OR3A3: variants seen among roughly 807,000 people sequenced by gnomAD.
The protein encoded by OR3A3 is olfactory receptor 3A3.
For missense variants in OR3A3, 275 were observed against 391.4 expected (o/e 0.70, Z 2.51); for synonymous variants, 103 against 163.9 (o/e 0.63, Z 2.84).
intron 2 of OR3A3, among the ~76,000 whole-genome samples, chr17:3,417,808 A>C (rs2072401206): frequency 6.6e-6 from 1 of 152,230 alleles, no homozygotes; most frequent in Admixed American, 6.5e-5. Flanking sequence ...GATTTCTGCC[A>C]ATATACCCAA....
intron 2 of OR3A3, among the ~76,000 whole-genome samples, chr17:3,416,190 A>G (rs776522495): frequency 3.1e-4 from 47 of 152,176 alleles, no homozygotes; most frequent in Non-Finnish European, 6.0e-4. Flanking sequence ...ATCAAAATGA[A>G]CATTTAATAT....
chr17:3,415,920 T>C (rs560260555), intron 2 of OR3A3, among the ~76,000 whole-genome samples: 1 of 151,370 alleles, frequency 6.6e-6, no homozygotes, highest in Non-Finnish European at 1.5e-5. Context: ...GCAATTCTCA[T>C]GTTTCAGCCG....
chr17:3,416,641 AT>A (rs1370837084), intron 2 of OR3A3, among the ~76,000 whole-genome samples: 2 of 152,126 alleles, frequency 1.3e-5, no homozygotes, highest in Non-Finnish European at 2.9e-5. Flanking sequence ...TTAATAAATC[AT>A]AACTTCATAG....
intron 1 of OR3A3, 121 bp from the exon 2 acceptor site, chr17:3,411,857 G>C (rs1156784307): frequency 6.6e-6 from 1 of 152,278 alleles, no homozygotes; most frequent in Non-Finnish European, 1.5e-5. Flanking sequence ...AGGGCTAGAG[G>C]CAAAGCCTTC....
At chr17:3,415,817 ATTAT>A (rs1414151246) in intron 2 of OR3A3, among the ~76,000 whole-genome samples, 4 of 140,724 alleles carry the variant, frequency 2.8e-5, no homozygotes. Flanking sequence ...TATTATTATT[ATTAT>A]TATTATTATT....
At chr17:3,415,832 A>G (rs2150680643) in intron 2 of OR3A3, among the ~76,000 whole-genome samples, 2 of 141,604 alleles carry the variant, frequency 1.4e-5, no homozygotes, top group South Asian at 4.3e-4. Flanking sequence ...TATTATTATT[A>G]TTATTATTAT....
At chr17:3,413,457 T>G (rs1359201003) in intron 2 of OR3A3, among the ~76,000 whole-genome samples, 1 of 152,198 alleles carries the variant, frequency 6.6e-6, no homozygotes, top group Non-Finnish European at 1.5e-5. Context: ...CAATTACCAA[T>G]TTCATCAAGA....
intron 2 of OR3A3, among the ~76,000 whole-genome samples, chr17:3,419,965 C>T (rs1191296315): frequency 7.9e-5 from 12 of 152,002 alleles, no homozygotes; most frequent in African/African-American, 2.9e-4. Context: ...GACGGGGTTT[C>T]GCTGTGTTAG....
chr17:3,414,369 C>T (rs2072379084), intron 2 of OR3A3, among the ~76,000 whole-genome samples: 1 of 152,178 alleles, frequency 6.6e-6, no homozygotes. Context: ...CCATGGCCGG[C>T]CAGGATTTTT....
rs1254251237 is a variant in OR3A3, at chr17:3,420,471, G to A, written c.-6-109G>A. 13 of 1,529,712 alleles carry A rather than the reference G, an allele frequency of 8.5e-6. No homozygotes were observed. The East Asian group carries it at 2.9e-4, about 35-fold the overall frequency. The allele number at this position is 1,529,712 out of a possible 1,614,324, so 94.8% of individuals were successfully genotyped here. A position where few individuals can be genotyped will look rare whatever the true frequency, so the allele number is the denominator to read the frequency against. On this transcript the variant is annotated intron_variant, in intron 2 of 2. Coordinates refer to ENST00000641141, the Ensembl canonical transcript of OR3A3. ...GTAAAGGCATTGAGGTGTTGGAGGA[G>A]TGAGGGATGGCCTGGGGACTCGCCA...
exon 3 of OR3A3, chr17:3,421,398 A>C: frequency 6.2e-7 from 1 of 1,614,114 alleles, no homozygotes; most frequent in Non-Finnish European, 8.5e-7. Context: ...TGGAATCTTC[A>C]GACAAGGATA....
intron 2 of OR3A3, among the ~76,000 whole-genome samples, chr17:3,418,363 T>C (rs2072404938): frequency 6.6e-6 from 1 of 152,184 alleles, no homozygotes; most frequent in Non-Finnish European, 1.5e-5. Context: ...ACGGTTGTTT[T>C]TGAGTACCTT....
At chr17:3,413,712 C>G (rs905045238) in intron 2 of OR3A3, among the ~76,000 whole-genome samples, 1 of 151,788 alleles carries the variant, frequency 6.6e-6, no homozygotes, top group African/African-American at 2.4e-5. Context: ...GCTCGGGAGG[C>G]TGAGGCAGGA....
intron 2 of OR3A3, among the ~76,000 whole-genome samples, chr17:3,419,677 A>T (rs773993451): frequency 3.0e-4 from 46 of 152,022 alleles, no homozygotes; most frequent in Admixed American, 8.5e-4. Flanking sequence ...TTAAAATGTA[A>T]TCTGCTTATT....
chr17:3,421,769 CAA>C (rs1191460514), exon 3 of OR3A3: 1 of 438,106 alleles, frequency 2.3e-6, no homozygotes, highest in East Asian at 3.7e-5. Flanking sequence ...GCAAAATGGA[CAA>C]AAGTCTCTGC....
At chr17:3,418,851 T>C (rs934136418) in intron 2 of OR3A3, among the ~76,000 whole-genome samples, 1 of 152,180 alleles carries the variant, frequency 6.6e-6, no homozygotes, top group African/African-American at 2.4e-5. Flanking sequence ...ACATTGATAT[T>C]TTTTTGATTC....
chr17:3,412,095 G>C (rs1213355573), exon 2 of OR3A3: 1 of 152,278 alleles, frequency 6.6e-6, no homozygotes, highest in Non-Finnish European at 1.5e-5. Context: ...CTCGCTCTCC[G>C]GGAGGATAAC....
intron 2 of OR3A3, among the ~76,000 whole-genome samples, chr17:3,416,683 T>C (rs2072394074): frequency 6.6e-6 from 1 of 152,020 alleles, no homozygotes; most frequent in Non-Finnish European, 1.5e-5. Flanking sequence ...TTCAGAAAAA[T>C]AGAATTTTAT....
At chr17:3,421,338 G>A (rs1298265400) in exon 3 of OR3A3, 5 of 1,614,206 alleles carry the variant, frequency 3.1e-6, no homozygotes, top group Non-Finnish European at 3.4e-6. Context: ...TCACTGTGGT[G>A]GGCATCTTCT....
Sources: gnomAD v4.1 joint callset for allele counts (sites outside exome capture counted in the v4.1 genomes callset) on GRCh38, gnomAD v4.1.1 for gene constraint, MANE v1.5 for transcripts, NCBI Gene and HGNC (gene_info 2026-07-23, HGNC 2026-07-21) for gene names.